Variants in SPAG16 observed in about 807,000 individuals in gnomAD.
SPAG16 encodes sperm associated antigen 16, also known as sperm-associated antigen 16 protein.
A neutral mutation model predicts 80.4 loss-of-function variants in SPAG16; 86 were observed. The ratio of observed to expected loss-of-function variants is 1.07; its 90% CI spans 0.90 to 1.28. SPAG16 has a LOEUF of 1.28. SPAG16 is among the 50% of genes most tolerant of loss of function. SPAG16 has a pLI of 0.00. For missense variants in SPAG16, 870 were observed against 765.3 expected (o/e 1.14, Z -1.61); for synonymous variants, 294 against 265.9 (o/e 1.11, Z -1.03).
At chr2:213,361,284 T>C (rs1221180523) in intron 7 of SPAG16, among the ~76,000 whole-genome samples, 1 of 151,826 alleles carries the variant, frequency 6.6e-6, no homozygotes, top group African/African-American at 2.4e-5. Flanking sequence ...TGAAATAGAA[T>C]TGATTTGTAG....
At chr2:213,825,029 T>C (rs2073187344) in intron 10 of SPAG16, among the ~76,000 whole-genome samples, 1 of 152,170 alleles carries the variant, frequency 6.6e-6, no homozygotes, top group South Asian at 2.1e-4. Flanking sequence ...AATTCTATAC[T>C]GTTGGCATGT....
chr2:213,533,199 CACA>C (rs2076129912), intron 10 of SPAG16, among the ~76,000 whole-genome samples: 1 of 152,096 alleles, frequency 6.6e-6, no homozygotes, highest in South Asian at 2.1e-4. Context: ...TTCATATATA[CACA>C]ACACTAATTC....
intron 15 of SPAG16, among the ~76,000 whole-genome samples, chr2:214,331,087 G>C (rs894343670): frequency 1.3e-5 from 2 of 152,088 alleles, no homozygotes; most frequent in Admixed American, 6.6e-5. Flanking sequence ...CATCTATGTA[G>C]GTCTGGTGAA....
At chr2:213,851,956 A>G (rs11889685) in intron 10 of SPAG16, among the ~76,000 whole-genome samples, 4,323 of 152,332 alleles carry the variant, frequency 0.028, 197 homozygotes, top group African/African-American at 0.098. Context: ...TTAAAGTGCT[A>G]GGGAAGTATT....
At chr2:213,296,191 A>G (rs2062489863) in intron 2 of SPAG16, 81 bp downstream of exon 2, 4 of 1,033,724 alleles carry the variant, frequency 3.9e-6, no homozygotes, top group African/African-American at 1.6e-5. Context: ...TTTCTGAAAC[A>G]TGTAAGAACC....
At chr2:213,477,230 A>G (rs1444972159) in intron 9 of SPAG16, among the ~76,000 whole-genome samples, 1 of 152,148 alleles carries the variant, frequency 6.6e-6, no homozygotes, top group East Asian at 1.9e-4. Flanking sequence ...CTTGGCTTGA[A>G]GGTCAAGTTT....
chr2:213,975,657 A>C (rs2045333094), intron 12 of SPAG16, among the ~76,000 whole-genome samples: 6 of 152,060 alleles, frequency 3.9e-5, no homozygotes, highest in Admixed American at 3.9e-4. Flanking sequence ...ATTAGAAAAA[A>C]AATGATGAAT....
intron 9 of SPAG16, among the ~76,000 whole-genome samples, chr2:213,433,796 C>A (rs889087256): frequency 9.2e-5 from 14 of 151,830 alleles, no homozygotes; most frequent in African/African-American, 3.1e-4. Flanking sequence ...TAAATAAATT[C>A]TAAGCAAAAA....
At chr2:213,614,075 G>A (rs2061520092) in intron 10 of SPAG16, among the ~76,000 whole-genome samples, 1 of 152,174 alleles carries the variant, frequency 6.6e-6, no homozygotes, top group Admixed American at 6.5e-5. Context: ...TTTGAATTGA[G>A]GGTATGGTAA....
At chr2:214,005,611 TTTA>T (rs1431460760) in intron 12 of SPAG16, among the ~76,000 whole-genome samples, 4 of 152,186 alleles carry the variant, frequency 2.6e-5, no homozygotes, top group Non-Finnish European at 4.4e-5. Flanking sequence ...CATGGTAGAT[TTTA>T]TTTAGATCTC....
intron 9 of SPAG16, among the ~76,000 whole-genome samples, chr2:213,402,580 C>T (rs2068375321): frequency 6.6e-6 from 1 of 151,022 alleles, no homozygotes; most frequent in Non-Finnish European, 1.5e-5. Flanking sequence ...TCCCCCCTCC[C>T]CACACCCCAC....
chr2:213,773,544 A>T (rs1180929590), intron 10 of SPAG16, among the ~76,000 whole-genome samples: 2 of 151,844 alleles, frequency 1.3e-5, no homozygotes, highest in Non-Finnish European at 2.9e-5. Context: ...TTTAATTTGG[A>T]AATTTTTCTT....
At chr2:214,124,486 A>T (rs1413080296) in intron 14 of SPAG16, among the ~76,000 whole-genome samples, 1 of 151,878 alleles carries the variant, frequency 6.6e-6, no homozygotes, top group African/African-American at 2.4e-5. Flanking sequence ...TACATGTATG[A>T]TAAACAGCAT....
At chr2:213,717,869 A>G (rs1348376841) in intron 10 of SPAG16, among the ~76,000 whole-genome samples, 3 of 152,162 alleles carry the variant, frequency 2.0e-5, no homozygotes, top group East Asian at 1.9e-4. Context: ...GGGGTTTTAA[A>G]CATAAGACCC....
At chr2:214,279,489 A>G (rs1432752291) in intron 15 of SPAG16, among the ~76,000 whole-genome samples, 1 of 152,224 alleles carries the variant, frequency 6.6e-6, no homozygotes, top group Non-Finnish European at 1.5e-5. Flanking sequence ...AACTCGAGAA[A>G]GGAGAGCCCA....
rs111501438 is a variant in SPAG16 at position 213,423,790 on chromosome 2, C to T, written c.942+48671C>T. On this transcript the variant is annotated intron_variant, in intron 9 of 15. Transcript: ENST00000331683. ...TTAATTTTTGCCAGGTCATTCAGTC[C>T]GTCTGTGTCTAAACTAAGCTCAAAT... Among the ~76,000 whole-genome samples, 467 of 152,152 alleles carry T rather than the reference C, an allele frequency of 3.1e-3. 6 individuals carry two copies. Among genetic ancestry groups the T allele is most frequent in the African/African-American group, 0.011 (449 of 41,522 alleles).
At chr2:214,118,220 T>A (rs988410048) in intron 14 of SPAG16, among the ~76,000 whole-genome samples, 1 of 152,044 alleles carries the variant, frequency 6.6e-6, no homozygotes, top group East Asian at 1.9e-4. Flanking sequence ...AAAAAAGATA[T>A]GACAAAGAAG....
intron 13 of SPAG16, among the ~76,000 whole-genome samples, chr2:214,042,270 GA>G (rs1055274494): frequency 3.3e-5 from 5 of 151,278 alleles, no homozygotes; most frequent in Non-Finnish European, 7.4e-5. Flanking sequence ...ATTTCAGCTG[GA>G]AGTTTTCTAA....
chr2:213,599,828 A>G (rs1574446354), intron 10 of SPAG16, among the ~76,000 whole-genome samples: 1 of 152,188 alleles, frequency 6.6e-6, no homozygotes, highest in Non-Finnish European at 1.5e-5. Context: ...CAGCATCCCG[A>G]GTAGCTGGGT....
Sources: allele counts gnomAD v4.1 joint callset (sites outside exome capture counted in the v4.1 genomes callset), GRCh38; gene constraint gnomAD v4.1.1; transcripts MANE v1.5; gene names NCBI Gene and HGNC (gene_info 2026-07-23, HGNC 2026-07-21).